Variants in ECE1 observed in about 807,000 individuals in gnomAD.
ECE1 encodes endothelin-converting enzyme 1.
Under a neutral mutation model 98.6 loss-of-function variants are expected in ECE1, and 35 were observed. The observed-to-expected ratio is 0.35, with a 90% confidence interval of 0.27 to 0.47. The LOEUF (loss-of-function observed/expected upper bound fraction) is 0.47. Ranked by LOEUF, ECE1 falls within the 20% of genes least tolerant of loss-of-function variation. The probability of loss-of-function intolerance (pLI) is 1.00; values close to 1 mark genes in which losing one functional copy is unlikely to be tolerated. For missense variants in ECE1, 814 were observed against 1,025.3 expected (o/e 0.79, Z 2.81); for synonymous variants, 394 against 407.1 (o/e 0.97, Z 0.39).
intron 10 of ECE1, among the ~76,000 whole-genome samples, chr1:21,238,539 C>CACTCGG (rs2098191357): frequency 6.6e-6 from 1 of 152,192 alleles, no homozygotes; most frequent in South Asian, 2.1e-4. Context: ...TGGGGAAACA[C>CACTCGG]ACTCGGCACG....
At chr1:21,277,009 C>A (rs1043635194) in intron 3 of ECE1, among the ~76,000 whole-genome samples, 3 of 152,166 alleles carry the variant, frequency 2.0e-5, no homozygotes, top group Non-Finnish European at 4.4e-5. Context: ...TAAGCTACTG[C>A]GCCCGGCCAG....
At chr1:21,283,980 G>A (rs982709532) in intron 2 of ECE1, among the ~76,000 whole-genome samples, 3 of 152,202 alleles carry the variant, frequency 2.0e-5, no homozygotes, top group Non-Finnish European at 4.4e-5. Flanking sequence ...CCTGGGGCAG[G>A]AGAAGTCACC....
intron 17 of ECE1, among the ~76,000 whole-genome samples, chr1:21,223,529 C>T (rs2098170036): frequency 6.6e-6 from 1 of 152,158 alleles, no homozygotes; most frequent in South Asian, 2.1e-4. Context: ...TGCAGTGGCG[C>T]GAACTTGGCT....
At chr1:21,289,947 G>A (rs547091673) in intron 2 of ECE1, 123 bp downstream of exon 2, 238 of 1,203,238 alleles carry the variant, frequency 2.0e-4, no homozygotes, top group Non-Finnish European at 2.4e-4. Context: ...CCCGGATGCC[G>A]GGACGAGGGA....
intron 11 of ECE1, among the ~76,000 whole-genome samples, chr1:21,237,305 G>C (rs2098189600): frequency 6.6e-6 from 1 of 152,138 alleles, no homozygotes; most frequent in African/African-American, 2.4e-5. Context: ...GCTGGATATA[G>C]ACAGGTGTTC....
intron 3 of ECE1, among the ~76,000 whole-genome samples, chr1:21,275,698 C>G (rs1015526788): frequency 7.2e-5 from 11 of 152,284 alleles, no homozygotes; most frequent in African/African-American, 2.4e-4. Context: ...GGAGCAATGG[C>G]TTGATTATTT....
intron 10 of ECE1, among the ~76,000 whole-genome samples, chr1:21,243,411 A>AC (rs2098199146): frequency 6.6e-6 from 1 of 151,964 alleles, no homozygotes; most frequent in Non-Finnish European, 1.5e-5. Context: ...AAAAAAAAAA[A>AC]AAAAACAGAG....
chr1:21,289,483 G>C (rs1057212463), intron 2 of ECE1, among the ~76,000 whole-genome samples: 17 of 152,168 alleles, frequency 1.1e-4, no homozygotes, highest in African/African-American at 3.6e-4. Context: ...CCTGGGGAGG[G>C]GAGGAATTGG....
At chr1:21,264,400 C>T (rs1042325017) in intron 4 of ECE1, among the ~76,000 whole-genome samples, 16 of 151,192 alleles carry the variant, frequency 1.1e-4, no homozygotes, top group African/African-American at 3.9e-4. Flanking sequence ...CTGCAACCTC[C>T]GTCTCCTGGG....
In ECE1 at chr1:21,327,272, G is replaced by A. The variant is rs1024998718; in HGVS notation, c.3+18104C>T. 1.3e-5 allele frequency among the ~76,000 whole-genome samples: 2 copies of A among 152,220 alleles called. No homozygotes were observed. The highest frequency in any genetic ancestry group is 1.3e-4 in the Admixed American group (2 of 15,286). ...CTGGGATGGGAGGCTCCAGCTTAGC[G>A]TCTGGCTCTAACGCTTGGACTGTGT... On this transcript the variant is annotated intron_variant, in intron 1 of 18. Coordinates refer to the ECE1 transcript ENST00000415912. The surrounding 1 kb of genome is among the most constrained non-coding windows in gnomAD (Gnocchi z 4.6).
At chr1:21,230,501 C>G (rs189219805) in intron 14 of ECE1, among the ~76,000 whole-genome samples, 5 of 152,306 alleles carry the variant, frequency 3.3e-5, no homozygotes, top group Admixed American at 3.3e-4. Flanking sequence ...AATTCTCTGC[C>G]TCAGCCACCT....
chr1:21,264,439 C>G (rs1244842143), intron 4 of ECE1, among the ~76,000 whole-genome samples: 1 of 151,988 alleles, frequency 6.6e-6, no homozygotes, highest in Admixed American at 6.5e-5. Context: ...CTCAGCCTCC[C>G]GAGTAGCTGG....
intron 1 of ECE1, among the ~76,000 whole-genome samples, chr1:21,326,727 G>T (rs917411420): frequency 1.1e-4 from 17 of 152,136 alleles, no homozygotes; most frequent in Non-Finnish European, 2.4e-4. Context: ...GGTGCCAACT[G>T]GGGTGACATC....
chr1:21,238,684 G>C (rs1014273144), intron 10 of ECE1, among the ~76,000 whole-genome samples: 1 of 152,210 alleles, frequency 6.6e-6, no homozygotes, highest in Non-Finnish European at 1.5e-5. Context: ...CAGGAGTCCT[G>C]GAGGCAAAGA....
chr1:21,342,199 A>G (rs3026812), intron 1 of ECE1, among the ~76,000 whole-genome samples: 1 of 152,040 alleles, frequency 6.6e-6, no homozygotes, highest in Non-Finnish European at 1.5e-5. Context: ...CAGCTTGGAA[A>G]GTGAAGGAAC....
At position 21,263,359 on chromosome 1, in the gene ECE1, T is replaced by A. The variant is rs541095223; in HGVS notation, c.494-2967A>T. On this transcript the variant is annotated intron_variant, in intron 4 of 18. Coordinates refer to ENST00000374893, the MANE Select transcript of ECE1 (RefSeq NM_001397.3). ...CACCTAAGGTTTCCTTTTTTTATAT[T>A]TATTTTTTTTTTTTTTGAGACAGAG... Among the ~76,000 whole-genome samples the A allele has an allele frequency of 2.4e-3, 274 of 113,784 alleles. 2 individuals are homozygous for A. The highest frequency in any genetic ancestry group is 6.4e-3 in the East Asian group (19 of 2,964). 74.6% of individuals were successfully genotyped at this position (113,784 alleles called of 152,430 possible).
chr1:21,257,792 C>CA (rs1276182592), intron 6 of ECE1, among the ~76,000 whole-genome samples: 2 of 152,040 alleles, frequency 1.3e-5, no homozygotes, highest in East Asian at 3.9e-4. Flanking sequence ...GTGGCCCCCC[C>CA]CCGCAGGGCT....
intron 1 of ECE1, among the ~76,000 whole-genome samples, chr1:21,301,959 G>A (rs2103378936): frequency 6.6e-6 from 1 of 152,138 alleles, no homozygotes; most frequent in African/African-American, 2.4e-5. Flanking sequence ...AGGAGACTGA[G>A]GCTCAGAGAG....
intron 2 of ECE1, among the ~76,000 whole-genome samples, chr1:21,285,756 C>T (rs1278865544): frequency 6.7e-6 from 1 of 149,876 alleles, no homozygotes; most frequent in Non-Finnish European, 1.5e-5. Context: ...CTTTGGAAGG[C>T]CGAGGCAGGT....
Sources: allele counts gnomAD v4.1 joint callset (sites outside exome capture counted in the v4.1 genomes callset), GRCh38; gene constraint gnomAD v4.1.1; non-coding constraint Gnocchi (gnomAD v3.1); transcripts MANE v1.5; gene names NCBI Gene and HGNC (gene_info 2026-07-23, HGNC 2026-07-21).